The following ODAD2 variants were observed in gnomAD, a reference collection of about 807,000 sequenced individuals.
ODAD2 encodes outer dynein arm docking complex subunit 2, also known as outer dynein arm-docking complex subunit 2.
Under a neutral mutation model 106.8 loss-of-function variants are expected in ODAD2, and 89 were observed. That is an observed-to-expected ratio of 0.83 (90% CI 0.70 to 0.99). The LOEUF (loss-of-function observed/expected upper bound fraction) is 0.99. Ranked by LOEUF, ODAD2 falls within the 50% of genes least tolerant of loss-of-function variation. The probability of loss-of-function intolerance (pLI) is 0.00; values close to 1 mark genes in which losing one functional copy is unlikely to be tolerated. For synonymous variants in ODAD2, 404 were observed against 436.2 expected (o/e 0.93, Z 0.92); for missense variants, 1,168 against 1,238.5 (o/e 0.94, Z 0.85).
chr10:27,859,509 T>C (rs772721222), intron 19 of ODAD2, among the ~76,000 whole-genome samples: 43 of 152,276 alleles, frequency 2.8e-4, no homozygotes, highest in Non-Finnish European at 4.7e-4. Context: ...CTAGCATATC[T>C]AGATTTGACT....
At chr10:27,842,371 G>C (rs1838370775) in intron 19 of ODAD2, among the ~76,000 whole-genome samples, 2 of 152,162 alleles carry the variant, frequency 1.3e-5, no homozygotes. Context: ...GGGTGCCCTT[G>C]TGAAGAATGT....
rs768719701 is a variant in ODAD2, at chr10:27,935,222, C to T, written c.2283G>A (p.Leu761=). Residue 761 remains leucine (L), a synonymous_variant, in exon 16 of 20, where the codon TTG becomes TTA. Coordinates refer to ENST00000305242, the MANE Select transcript of ODAD2 (RefSeq NM_018076.5). ...KFREYKAIET[L]VGLLTDQPEE... is the part of the protein sequence containing the mutation. ...CAGGCTGATCTGTTAGAAGTCCCAC[C>T]AAGGTTTCAATGGCTTTGTATTCCC... 8.1e-6 allele frequency: 13 copies of T among 1,613,920 alleles called. No individual in the cohort carries two copies. In the Admixed American group the frequency reaches 2.2e-4, roughly 27 times the overall value.
chr10:27,946,067 A>G (rs1343346208), intron 10 of ODAD2, among the ~76,000 whole-genome samples: 1 of 149,160 alleles, frequency 6.7e-6, no homozygotes, highest in Non-Finnish European at 1.5e-5. Flanking sequence ...TAAGGTAAAC[A>G]TTGTCTATTT....
chr10:27,921,888 C>T (rs1333087302), intron 16 of ODAD2, among the ~76,000 whole-genome samples: 2 of 149,594 alleles, frequency 1.3e-5, no homozygotes, highest in Middle Eastern at 3.4e-3. Flanking sequence ...AACTTTAGGC[C>T]GGGCGCCTTG....
chr10:27,935,131 T>A lies in ODAD2; in HGVS notation c.2374A>T (p.Ile792Phe). 5.6e-6 allele frequency: 9 copies of A among 1,613,994 alleles called. No individual in the cohort carries two copies. Among genetic ancestry groups the A allele is most frequent in the Non-Finnish European group, 7.6e-6 (9 of 1,179,916 alleles). ...ECCQERENRV[I>F]VRKCGGIQPL... Reference sequence around the variant, plus strand: ...TGAATGCCACCACATTTCCGGACAATGACTCGGTTTTCACGTTCTTGGCAG... The same window carrying A: ...TGAATGCCACCACATTTCCGGACAAAGACTCGGTTTTCACGTTCTTGGCAG... The change falls in exon 16 of 20, where the codon ATT (isoleucine) becomes TTT (phenylalanine). Residue 792 changes from isoleucine (I) to phenylalanine (F), a missense_variant. By Grantham distance (21) the Ile-to-Phe change is conservative (BLOSUM62 0). Around this residue, in one of 3 missense-constraint regions of ODAD2, gnomAD observed 701 missense variants for 712.3 expected, o/e 0.98. Transcript: ENST00000305242.
intron 17 of ODAD2, among the ~76,000 whole-genome samples, chr10:27,894,068 C>A (rs1842720030): frequency 6.6e-6 from 1 of 152,110 alleles, no homozygotes; most frequent in African/African-American, 2.4e-5. Flanking sequence ...TTGCTTGAGC[C>A]CAGGAGATTG....
intron 17 of ODAD2, among the ~76,000 whole-genome samples, chr10:27,868,174 G>C (rs1840592606): frequency 6.6e-6 from 1 of 152,154 alleles, no homozygotes; most frequent in Non-Finnish European, 1.5e-5. Context: ...AAAAAGTCAA[G>C]AAACAACATG....
chr10:27,938,029 T>C (rs1261829983), intron 14 of ODAD2, among the ~76,000 whole-genome samples: 1 of 152,102 alleles, frequency 6.6e-6, no homozygotes, highest in African/African-American at 2.4e-5. Context: ...CTGCAACCTC[T>C]ACCTCGTGGG....
At chr10:27,926,401 G>GA (rs770297812) in intron 16 of ODAD2, among the ~76,000 whole-genome samples, 2,878 of 138,856 alleles carry the variant, frequency 0.021, 37 homozygotes, top group Middle Eastern at 0.036. Flanking sequence ...GGCAGAGGCG[G>GA]AAAAAAAAAA....
intron 9 of ODAD2, among the ~76,000 whole-genome samples, chr10:27,968,651 A>G (rs1430527989): frequency 6.8e-6 from 1 of 147,954 alleles, no homozygotes; most frequent in South Asian, 2.2e-4. Flanking sequence ...GTGTTCCTAA[A>G]CTTAGGTCAC....
intron 15 of ODAD2, among the ~76,000 whole-genome samples, chr10:27,935,537 CT>C (rs1024289085): frequency 1.2e-3 from 190 of 152,146 alleles, no homozygotes; most frequent in Middle Eastern, 3.4e-3. Flanking sequence ...TTTTTTCCCC[CT>C]ATCTTCCAGA....
At chr10:27,895,040 CG>C (rs1382947781) in intron 17 of ODAD2, among the ~76,000 whole-genome samples, 3 of 39,066 alleles carry the variant, frequency 7.7e-5, no homozygotes, top group African/African-American at 1.6e-4. Flanking sequence ...GTCATCGGTA[CG>C]AAAAAAAAAA....
chr10:27,912,242 C>T (rs967317229), intron 16 of ODAD2, among the ~76,000 whole-genome samples: 2 of 152,136 alleles, frequency 1.3e-5, no homozygotes, highest in Non-Finnish European at 2.9e-5. Flanking sequence ...TAGCTCTTCT[C>T]ATTTTGCATA....
intron 19 of ODAD2, among the ~76,000 whole-genome samples, chr10:27,831,055 A>G: frequency 6.6e-6 from 1 of 152,044 alleles, no homozygotes; most frequent in East Asian, 1.9e-4. Context: ...GCCCTGGAGG[A>G]GTGGATGGGG....
At chr10:27,938,066 CCAG>C (rs1846118914) in intron 14 of ODAD2, among the ~76,000 whole-genome samples, 1 of 152,078 alleles carries the variant, frequency 6.6e-6, no homozygotes, top group Non-Finnish European at 1.5e-5. Flanking sequence ...GCCTCCACCT[CCAG>C]AGTAACTGGG....
chr10:27,920,484 T>C (rs1844698821), intron 16 of ODAD2, among the ~76,000 whole-genome samples: 1 of 152,090 alleles, frequency 6.6e-6, no homozygotes, highest in Admixed American at 6.6e-5. Context: ...ACCCACATAA[T>C]CTTCAAATTT....
chr10:27,939,695 G>A (rs1846247479), intron 14 of ODAD2, among the ~76,000 whole-genome samples: 1 of 151,952 alleles, frequency 6.6e-6, no homozygotes, highest in Admixed American at 6.6e-5. Context: ...CTATGATTGT[G>A]CCATTGCCCT....
At chr10:27,923,935 CCCTG>C (rs1455616921) in intron 16 of ODAD2, among the ~76,000 whole-genome samples, 1 of 101,040 alleles carries the variant, frequency 9.9e-6, no homozygotes, top group Non-Finnish European at 2.0e-5. Flanking sequence ...TAGAGAGAGA[CCCTG>C]TCTAATGAAA....
Position 27,916,749 on chromosome 10 carries a change from T to A in ODAD2, c.2496-8972A>T, listed in dbSNP as rs558069644. Among the ~76,000 whole-genome samples, 13 of 152,208 alleles carry A rather than the reference T, an allele frequency of 8.5e-5. No homozygotes were observed. The South Asian group carries it at 2.7e-3, about 32-fold the overall frequency. ...AAGAAATCAGTATATAACAACAAAA[T>A]ATGTGCTAATTGTTTATGCTATTGG... is the stretch of plus-strand genomic sequence containing the variant. On this transcript the variant is annotated intron_variant, in intron 16 of 19. Transcript: ENST00000305242.
Sources: allele counts gnomAD v4.1 joint callset (sites outside exome capture counted in the v4.1 genomes callset), GRCh38; gene constraint gnomAD v4.1.1; regional missense constraint gnomAD v4.1.1; transcripts MANE v1.5; gene names NCBI Gene and HGNC (gene_info 2026-07-23, HGNC 2026-07-21).